Variants in SPECC1 observed in about 807,000 individuals in gnomAD.
The protein encoded by SPECC1 is cytospin-B.
A neutral mutation model predicts 104.1 loss-of-function variants in SPECC1; 62 were observed. The observed-to-expected ratio is 0.60, with a 90% CI of 0.49 to 0.74. SPECC1 has a LOEUF of 0.74. Ranked by LOEUF, SPECC1 falls within the 30% of genes least tolerant of loss-of-function variation. The probability of loss-of-function intolerance (pLI) is 0.00; values close to 1 mark genes in which losing one functional copy is unlikely to be tolerated. For missense variants in SPECC1, 1,306 were observed against 1,310.5 expected, an observed-to-expected ratio of 1.00 and a Z score of 0.05; for synonymous variants, 513 against 501.6, an observed-to-expected ratio of 1.02 and a Z score of -0.30.
rs533275433 is a variant in SPECC1 at position 20,278,328 on chromosome 17, C to G, written c.2940+18034C>G. On this transcript the variant is annotated intron_variant, in intron 12 of 14. Transcript: ENST00000395527. The stretch of plus-strand genomic sequence containing the variant: ...TGGAGAATTAGAAGCAAGAGGGTAA[C>G]AGAGGCAGAGGATAAGAGCAGAGGC... Among the ~76,000 whole-genome samples, 10 of 152,290 alleles carry G rather than the reference C, an allele frequency of 6.6e-5. No individual in the cohort carries two copies. In the East Asian group the frequency reaches 1.7e-3, roughly 26 times the overall value.
chr17:20,275,255 A>G (rs887173137), intron 12 of SPECC1, among the ~76,000 whole-genome samples: 22 of 152,194 alleles, frequency 1.4e-4, no homozygotes. Flanking sequence ...GATTGTGGTT[A>G]TTCTTTAATG....
At chr17:20,078,346 A>G (rs1011564004) in intron 1 of SPECC1, among the ~76,000 whole-genome samples, 5 of 151,960 alleles carry the variant, frequency 3.3e-5, no homozygotes, top group Non-Finnish European at 7.4e-5. Flanking sequence ...AACTAGAAAA[A>G]ACAGACACCA....
chr17:20,122,523 A>G (rs1291619620), intron 3 of SPECC1, among the ~76,000 whole-genome samples: 1 of 152,230 alleles, frequency 6.6e-6, no homozygotes, highest in Non-Finnish European at 1.5e-5. Flanking sequence ...TTAAGTGTAC[A>G]GTTCAGCGGC....
At chr17:20,189,623 C>T (rs1341276897) in intron 3 of SPECC1, among the ~76,000 whole-genome samples, 1 of 152,170 alleles carries the variant, frequency 6.6e-6, no homozygotes, top group Non-Finnish European at 1.5e-5. Flanking sequence ...AGAGCGGTCA[C>T]TGTGTCCTCT....
intron 12 of SPECC1, among the ~76,000 whole-genome samples, chr17:20,262,978 G>T (rs1024691021): frequency 1.3e-5 from 2 of 152,012 alleles, no homozygotes; most frequent in African/African-American, 4.8e-5. Context: ...CCACTGTAGT[G>T]CAGTGTGGGT....
chr17:20,168,459 TAAATA>T (rs1204644385), intron 3 of SPECC1, among the ~76,000 whole-genome samples: 2 of 152,130 alleles, frequency 1.3e-5, no homozygotes, highest in African/African-American at 4.8e-5. Context: ...TTTCTGAAGA[TAAATA>T]AAATGCTCTA....
intron 1 of SPECC1, among the ~76,000 whole-genome samples, chr17:20,079,858 T>A (rs1054091663): frequency 6.6e-6 from 1 of 152,098 alleles, no homozygotes; most frequent in Non-Finnish European, 1.5e-5. Flanking sequence ...GAGGGATCCT[T>A]TCCCTGGGTG....
At chr17:20,040,399 T>TG (rs1323496555) in intron 1 of SPECC1, among the ~76,000 whole-genome samples, 1 of 152,200 alleles carries the variant, frequency 6.6e-6, no homozygotes, top group East Asian at 1.9e-4. Context: ...TGTAATTACA[T>TG]GTATTTTTGC....
chr17:20,289,848 G>A (rs1297000569), intron 12 of SPECC1, among the ~76,000 whole-genome samples: 1 of 152,178 alleles, frequency 6.6e-6, no homozygotes, highest in African/African-American at 2.4e-5. Flanking sequence ...TGGAGCGAGT[G>A]TTATGTCACA....
intron 11 of SPECC1, among the ~76,000 whole-genome samples, chr17:20,258,186 A>G (rs982372716): frequency 1.3e-5 from 2 of 152,212 alleles, no homozygotes; most frequent in Non-Finnish European, 2.9e-5. Flanking sequence ...TTGAGGTTGT[A>G]CAGTGAGATT....
At chr17:20,083,118 T>A (rs919613420) in intron 1 of SPECC1, among the ~76,000 whole-genome samples, 3 of 152,216 alleles carry the variant, frequency 2.0e-5, no homozygotes, top group African/African-American at 7.2e-5. Context: ...CCTGGGACAT[T>A]TAATTTTTTG....
chr17:20,270,665 C>T (rs955342279), intron 12 of SPECC1, among the ~76,000 whole-genome samples: 15 of 151,590 alleles, frequency 9.9e-5, no homozygotes, highest in African/African-American at 3.6e-4. Flanking sequence ...TATCACTTAC[C>T]ATGCATTTTT....
At chr17:20,225,336 C>T (rs2038136395) in intron 4 of SPECC1, among the ~76,000 whole-genome samples, 1 of 152,196 alleles carries the variant, frequency 6.6e-6, no homozygotes, top group African/African-American at 2.4e-5. Context: ...CCAGGACTTG[C>T]CCAGAAATTG....
At chr17:20,263,294 G>A (rs1404688998) in intron 12 of SPECC1, among the ~76,000 whole-genome samples, 1 of 147,760 alleles carries the variant, frequency 6.8e-6, no homozygotes, top group Non-Finnish European at 1.5e-5. Flanking sequence ...TAACCAAGGG[G>A]CCTTCCTTCA....
intron 1 of SPECC1, among the ~76,000 whole-genome samples, chr17:20,071,127 G>A (rs139832961): frequency 1.3e-5 from 2 of 151,980 alleles, no homozygotes; most frequent in Non-Finnish European, 2.9e-5. Flanking sequence ...GATCTCCCGG[G>A]CTCAAGCAAT....
chr17:20,162,463 C>G (rs907139151), intron 3 of SPECC1, among the ~76,000 whole-genome samples: 3 of 152,128 alleles, frequency 2.0e-5, no homozygotes, highest in African/African-American at 7.2e-5. Flanking sequence ...ATAATTTTTC[C>G]TCGAGCTTCA....
intron 3 of SPECC1, among the ~76,000 whole-genome samples, chr17:20,157,597 G>A (rs774345261): frequency 6.6e-6 from 1 of 152,112 alleles, no homozygotes; most frequent in Non-Finnish European, 1.5e-5. Context: ...GAAAACCCCT[G>A]TGTATTATTT....
At chr17:20,034,659 G>A (rs1221679715) in intron 1 of SPECC1, among the ~76,000 whole-genome samples, 3 of 146,726 alleles carry the variant, frequency 2.0e-5, no homozygotes, top group African/African-American at 5.1e-5. Context: ...AGGCTGGAGT[G>A]CAATGGTGTG....
chr17:20,167,141 TTA>T (rs1407518727), intron 3 of SPECC1, among the ~76,000 whole-genome samples: 36 of 147,762 alleles, frequency 2.4e-4, no homozygotes, highest in Non-Finnish European at 4.9e-4. Context: ...TATATATATA[TTA>T]TATTATATAT....
Sources: allele counts gnomAD v4.1 joint callset (sites outside exome capture counted in the v4.1 genomes callset), GRCh38; gene constraint gnomAD v4.1.1; transcripts MANE v1.5; gene names NCBI Gene and HGNC (gene_info 2026-07-23, HGNC 2026-07-21).